MVB12A: variants seen among roughly 807,000 people sequenced by gnomAD.
The protein encoded by MVB12A is CIN85/CD2AP family binding protein.
Under a neutral mutation model 34.3 loss-of-function variants are expected in MVB12A, and 30 were observed. The observed-to-expected ratio is 0.88, with a 90% CI of 0.65 to 1.19. The LOEUF is 1.19. Ranked by LOEUF, MVB12A falls within the 50% of genes most tolerant of loss-of-function variation. The pLI is 0.00. For missense variants in MVB12A, 355 were observed against 369.2 expected, an observed-to-expected ratio of 0.96 and a Z score of 0.31; for synonymous variants, 158 against 158.9, an observed-to-expected ratio of 0.99 and a Z score of 0.04.
chr19:17,421,198 T>TTTC (rs1555736029), intron 3 of MVB12A: 1 of 392,036 alleles, frequency 2.6e-6, no homozygotes, highest in Non-Finnish European at 5.0e-6. Context: ...TTTTTTTTTT[T>TTTC]CTTCAGACGG....
At chr19:17,410,529 T>TATATATATATACACACACACACACAC in intron 2 of MVB12A, among the ~76,000 whole-genome samples, 18 of 74,442 alleles carry the variant, frequency 2.4e-4, no homozygotes, top group African/African-American at 9.9e-4. Context: ...TATATATATA[T>TATATATATATACACACACACACACAC]ACACACACAC....
At position 17,425,208 on chromosome 19, in the gene MVB12A, G is replaced by A. The variant is rs1046340959; in HGVS notation, c.*215G>A. On this transcript the variant is annotated 3_prime_UTR_variant, in exon 9 of 9. Coordinates refer to ENST00000317040, the MANE Select transcript of MVB12A (RefSeq NM_138401.4). ...GTGGTGATGGGGTCTCCGCCCCCACGCCCTGCCGGGCAGGGCTGGAGCTGG... is the reference window on the plus strand; with the variant it reads ...GTGGTGATGGGGTCTCCGCCCCCACACCCTGCCGGGCAGGGCTGGAGCTGG... 17 of 527,668 alleles carry A rather than the reference G, an allele frequency of 3.2e-5. No homozygotes were observed. The highest frequency in any genetic ancestry group is 5.7e-5 in the Non-Finnish European group (17 of 299,752). 32.7% of individuals were successfully genotyped at this position (527,668 alleles called of 1,614,324 possible). A position where few individuals can be genotyped will look rare whatever the true frequency, so the allele number is the denominator to read the frequency against.
At chr19:17,405,782 T>C (rs1475887543) in intron 1 of MVB12A, 2 of 502,936 alleles carry the variant, frequency 4.0e-6, no homozygotes, top group East Asian at 6.8e-5. Context: ...GTGGGCTTTT[T>C]TTTCACCCTG....
chr19:17,410,537 C>T (rs1321919398), intron 2 of MVB12A, among the ~76,000 whole-genome samples: 1,304 of 71,158 alleles, frequency 0.018, 58 homozygotes, highest in African/African-American at 0.056. Flanking sequence ...TATACACACA[C>T]ACATATATAT....
chr19:17,408,030 T>C (rs1016710296), intron 2 of MVB12A, among the ~76,000 whole-genome samples: 3 of 152,238 alleles, frequency 2.0e-5, no homozygotes, highest in Non-Finnish European at 4.4e-5. Context: ...AGCTCCTATC[T>C]CTGTATGGCC....
In MVB12A at chr19:17,423,441, C is replaced by T. The variant is rs995110938; in HGVS notation, c.414-57C>T. ...GTCCCCCGCCTTCTCCAGGGGCTAT[C>T]CTCAACCCTGGCCCCACACCGGGCC... is the stretch of plus-strand genomic sequence containing the variant. On this transcript the variant is annotated intron_variant, in intron 4 of 8. Transcript: ENST00000317040. The T allele has an allele frequency of 6.9e-6, 11 of 1,588,200 alleles. No individual in the cohort carries two copies. In the African/African-American group the frequency reaches 1.1e-4, roughly 16 times the overall value.
chr19:17,418,292 G>T (rs1328805065), upstream of MVB12A: 2 of 194,348 alleles, frequency 1.0e-5, no homozygotes, highest in South Asian at 2.1e-4. Context: ...TAGCCATCCT[G>T]ACTGTATTGT....
At chr19:17,417,128 T>C, upstream of MVB12A, 1 of 274,264 alleles carries the variant, frequency 3.6e-6, no homozygotes, top group South Asian at 4.0e-5. Context: ...AACCTCTTCC[T>C]CATATTTCTT....
Position 17,425,052 on chromosome 19 carries a change from ACCC to A in MVB12A, c.*64_*66del. The A allele has an allele frequency of 1.2e-5, 10 of 805,046 alleles. No homozygotes were observed. The highest frequency in any genetic ancestry group is 7.0e-5 in the South Asian group (4 of 57,442). The allele number at this position is 805,046 out of a possible 1,614,324, so 49.9% of individuals were successfully genotyped here. On this transcript the variant is annotated 3_prime_UTR_variant, in exon 9 of 9. Coordinates refer to ENST00000317040, the MANE Select transcript of MVB12A (RefSeq NM_138401.4). ...TCCACCTCCCCGCCAGCCTGGGGCC[ACCC>A]CCCCTCACTGCATCCTGGGGCCACC...
At chr19:17,423,191 TA>T (rs895549170) in intron 4 of MVB12A, among the ~76,000 whole-genome samples, 2,635 of 106,654 alleles carry the variant, frequency 0.025, 71 homozygotes, top group Middle Eastern at 0.069. Flanking sequence ...CGTTTCTACT[TA>T]AAAAAAAAAA....
Position 17,423,720 on chromosome 19 carries a change from G to A in MVB12A, c.561G>A (p.Ala187=), listed in dbSNP as rs144389449. 2.8e-5 allele frequency: 45 copies of A among 1,613,866 alleles called. No individual in the cohort carries two copies. Among genetic ancestry groups the A allele is most frequent in the South Asian group, 1.5e-4 (14 of 91,090 alleles). The change falls in exon 6 of 9, where the codon GCG becomes GCA. Residue 187 remains alanine, a synonymous_variant. Coordinates refer to ENST00000317040, the MANE Select transcript of MVB12A (RefSeq NM_138401.4). The part of the protein sequence containing the change: ...PSKGGLLERT[A]SRLGSRASTL... Reference sequence around the variant, plus strand: ...AGGGCGGCCTCCTGGAGCGGACAGCGTCAAGGCTGGGCTCTCGGGCATCCA... The same window carrying A: ...AGGGCGGCCTCCTGGAGCGGACAGCATCAAGGCTGGGCTCTCGGGCATCCA...
At chr19:17,423,952 G>A in intron 6 of MVB12A, 54 bp from the exon 7 acceptor site, 2 of 1,600,894 alleles carry the variant, frequency 1.2e-6, no homozygotes, top group East Asian at 2.2e-5. Flanking sequence ...GCCTCTGTGG[G>A]TGGGGTGGGC....
intron 2 of MVB12A, among the ~76,000 whole-genome samples, chr19:17,407,443 G>T (rs1313841755): frequency 6.6e-6 from 1 of 152,134 alleles, no homozygotes; most frequent in Non-Finnish European, 1.5e-5. Context: ...AAAGGGGCAG[G>T]GTAAAGAGTG....
upstream of MVB12A, among the ~76,000 whole-genome samples, chr19:17,416,622 T>C (rs2074801326): frequency 6.6e-6 from 1 of 152,104 alleles, no homozygotes; most frequent in African/African-American, 2.4e-5. Context: ...TTCACCCATG[T>C]TGGCCAGGCT....
intron 2 of MVB12A, among the ~76,000 whole-genome samples, chr19:17,410,535 C>CATATATAT (rs1341441437): frequency 4.6e-5 from 3 of 65,310 alleles, no homozygotes; most frequent in Non-Finnish European, 5.7e-5. Flanking sequence ...TATATACACA[C>CATATATAT]ACACATATAT....
At position 17,424,984 on chromosome 19, in the gene MVB12A, C is replaced by T. The variant is rs1212056837; in HGVS notation, c.813C>T (p.Ser271=). Residue 271 remains serine, a synonymous_variant, in exon 9 of 9, where the codon AGC becomes AGT. Coordinates refer to ENST00000317040, the MANE Select transcript of MVB12A (RefSeq NM_138401.4). The stretch of plus-strand genomic sequence containing the variant: ...CCGCGGCTGCCCGCCTGCCCCCCAG[C>T]GTCTCATAGTCCCTCACCCTTCCGC... ...EKTAAARLPP[S]VS is the part of the protein sequence containing the mutation. The T allele has an allele frequency of 6.2e-6, 10 of 1,607,572 alleles. No individual in the cohort carries two copies. The highest frequency in any genetic ancestry group is 1.3e-5 in the African/African-American group (1 of 74,788).
intron 3 of MVB12A, among the ~76,000 whole-genome samples, chr19:17,421,485 A>C (rs2074838551): frequency 6.6e-6 from 1 of 151,998 alleles, no homozygotes; most frequent in Non-Finnish European, 1.5e-5. Context: ...CACCCGGCCA[A>C]ACTTTTTTTC....
upstream of MVB12A, chr19:17,415,078 G>A (rs1436507864): frequency 6.6e-6 from 1 of 151,684 alleles, no homozygotes; most frequent in Non-Finnish European, 1.5e-5. Flanking sequence ...AATCCCAGTG[G>A]AGGCTGAGAC....
At chr19:17,410,614 A>G (rs1485951024) in intron 2 of MVB12A, among the ~76,000 whole-genome samples, 3 of 144,466 alleles carry the variant, frequency 2.1e-5, no homozygotes, top group African/African-American at 7.6e-5. Context: ...ACACATATAT[A>G]TATATAATTA....
Sources: gnomAD v4.1 joint callset for allele counts (sites outside exome capture counted in the v4.1 genomes callset) on GRCh38, gnomAD v4.1.1 for gene constraint, MANE v1.5 for transcripts, NCBI Gene and HGNC (gene_info 2026-07-23, HGNC 2026-07-21) for gene names.